Variants in CSMD1 observed in about 807,000 individuals in gnomAD.
CSMD1 encodes CUB and Sushi multiple domains 1.
A neutral mutation model predicts 417.5 loss-of-function variants in CSMD1; 213 were observed. That is an observed-to-expected ratio of 0.51 (90% CI 0.46 to 0.57). The LOEUF is 0.57. CSMD1 is among the 20% of genes least tolerant of loss of function. The pLI, the probability that CSMD1 is intolerant of heterozygous loss-of-function variation, is 0.00. For missense variants in CSMD1, 6,923 were observed against 4,529.7 expected (o/e 1.53, Z -15.17); for synonymous variants, 2,862 against 1,736.8 (o/e 1.65, Z -16.11).
At chr8:4,451,219 T>C (rs763829239) in intron 2 of CSMD1, among the ~76,000 whole-genome samples, 1 of 152,080 alleles carries the variant, frequency 6.6e-6, no homozygotes, top group Non-Finnish European at 1.5e-5. Flanking sequence ...TAGTCTCAAC[T>C]ACTTGGGAGG....
chr8:4,467,677 G>C (rs1245784751), intron 2 of CSMD1, among the ~76,000 whole-genome samples: 1 of 152,048 alleles, frequency 6.6e-6, no homozygotes, highest in East Asian at 1.9e-4. Flanking sequence ...CCAAATCAAG[G>C]TGCAAATAGG....
intron 3 of CSMD1, among the ~76,000 whole-genome samples, chr8:4,125,705 T>G (rs1181510328): frequency 2.0e-5 from 3 of 152,190 alleles, no homozygotes; most frequent in African/African-American, 4.8e-5. Context: ...TAGGCTGAAC[T>G]AAATTTGCGA....
chr8:4,206,617 C>G (rs544770050), intron 3 of CSMD1, among the ~76,000 whole-genome samples: 1 of 152,318 alleles, frequency 6.6e-6, no homozygotes, highest in African/African-American at 2.4e-5. Flanking sequence ...CCAAGCTTTG[C>G]TACTGTGAAC....
At chr8:4,187,152 G>A (rs869164797) in intron 3 of CSMD1, among the ~76,000 whole-genome samples, 2 of 152,176 alleles carry the variant, frequency 1.3e-5, no homozygotes, top group African/African-American at 4.8e-5. Context: ...TTGATTTACT[G>A]CTTGTAGTAT....
intron 5 of CSMD1, among the ~76,000 whole-genome samples, chr8:3,929,209 G>A (rs1220395120): frequency 6.7e-6 from 1 of 150,212 alleles, no homozygotes; most frequent in African/African-American, 2.5e-5. Flanking sequence ...CTCTGCACAT[G>A]GTTTCTCTTA....
At chr8:3,318,220 A>G (rs1231969049) in intron 23 of CSMD1, among the ~76,000 whole-genome samples, 1 of 152,234 alleles carries the variant, frequency 6.6e-6, no homozygotes, top group Non-Finnish European at 1.5e-5. Context: ...TTCATAGTAT[A>G]ACTTCTTACT....
chr8:4,225,912 C>G (rs992357567), intron 3 of CSMD1, among the ~76,000 whole-genome samples: 1 of 152,088 alleles, frequency 6.6e-6, no homozygotes, highest in African/African-American at 2.4e-5. Flanking sequence ...TTATAATTGT[C>G]TAATAATTTC....
chr8:3,455,207 A>G (rs1460121365), intron 12 of CSMD1, among the ~76,000 whole-genome samples: 1 of 152,050 alleles, frequency 6.6e-6, no homozygotes, highest in African/African-American at 2.4e-5. Context: ...CTAGTTAGCC[A>G]GTCGTCTAAT....
intron 10 of CSMD1, among the ~76,000 whole-genome samples, chr8:3,572,029 G>A (rs889148922): frequency 6.6e-6 from 1 of 152,200 alleles, no homozygotes; most frequent in East Asian, 1.9e-4. Flanking sequence ...CGCGAAAGAA[G>A]GGGATGGAAA....
At chr8:3,210,657 T>C (rs1442389) in intron 30 of CSMD1, among the ~76,000 whole-genome samples, 47,738 of 148,060 alleles carry the variant, frequency 0.32, 7,745 homozygotes, top group East Asian at 0.36. Context: ...ACTTTATATA[T>C]AATTATACAT....
At chr8:3,368,878 T>C (rs1401991823) in intron 19 of CSMD1, among the ~76,000 whole-genome samples, 1 of 152,200 alleles carries the variant, frequency 6.6e-6, no homozygotes, top group East Asian at 1.9e-4. Flanking sequence ...ACAAGGAAAG[T>C]ACAAAAATTG....
chr8:3,223,265 A>G (rs1798316676), intron 28 of CSMD1, among the ~76,000 whole-genome samples: 1 of 152,172 alleles, frequency 6.6e-6, no homozygotes, highest in Non-Finnish European at 1.5e-5. Context: ...TACAGCAACC[A>G]CATTTGGGGA....
intron 1 of CSMD1, among the ~76,000 whole-genome samples, chr8:4,955,277 G>C (rs771063409): frequency 2.5e-4 from 38 of 152,022 alleles, no homozygotes; most frequent in Non-Finnish European, 4.9e-4. Flanking sequence ...AACCAATAAA[G>C]TTGCATAAAC....
intron 3 of CSMD1, among the ~76,000 whole-genome samples, chr8:4,401,475 C>A (rs796879861): frequency 6.6e-6 from 1 of 152,070 alleles, no homozygotes; most frequent in Non-Finnish European, 1.5e-5. Flanking sequence ...GTGGCCCAAG[C>A]AGCACCATCC....
intron 2 of CSMD1, among the ~76,000 whole-genome samples, chr8:4,450,092 G>C (rs886464547): frequency 1.3e-5 from 2 of 152,080 alleles, no homozygotes; most frequent in African/African-American, 4.8e-5. Flanking sequence ...TCTCACTTCT[G>C]CTCAATTTAT....
At chr8:3,994,206 C>G (rs188643707) in intron 5 of CSMD1, among the ~76,000 whole-genome samples, 13 of 151,994 alleles carry the variant, frequency 8.6e-5, no homozygotes, top group African/African-American at 2.9e-4. Context: ...TCTCTATCCT[C>G]TACACATTCC....
At chr8:4,385,903 A>C (rs116488276) in intron 3 of CSMD1, among the ~76,000 whole-genome samples, 1,684 of 152,300 alleles carry the variant, frequency 0.011, 30 homozygotes, top group African/African-American at 0.037. Flanking sequence ...TCTCAGAACC[A>C]GTTCTCCAGG....
chr8:3,012,389 C>G (rs1808459797), intron 52 of CSMD1, among the ~76,000 whole-genome samples: 1 of 152,138 alleles, frequency 6.6e-6, no homozygotes, highest in African/African-American at 2.4e-5. Context: ...TTTGGCCACT[C>G]CAGCTGCAAT....
intron 4 of CSMD1, among the ~76,000 whole-genome samples, chr8:4,024,234 T>G (rs938507152): frequency 1.3e-5 from 2 of 152,110 alleles, no homozygotes; most frequent in Non-Finnish European, 2.9e-5. Context: ...TGTAACATAT[T>G]AATACTCATA....
Sources: allele counts gnomAD v4.1 joint callset (sites outside exome capture counted in the v4.1 genomes callset), GRCh38; gene constraint gnomAD v4.1.1; transcripts MANE v1.5; gene names NCBI Gene and HGNC (gene_info 2026-07-23, HGNC 2026-07-21).